The following PCED1B variants were observed in gnomAD, a reference collection of about 807,000 sequenced individuals.
PCED1B encodes the protein PC-esterase domain containing 1B.
For synonymous variants in PCED1B, 251 were observed against 246.1 expected (o/e 1.02, Z -0.19); for missense variants, 573 against 573.9 (o/e 1.00, Z 0.02).
intron 2 of PCED1B, among the ~76,000 whole-genome samples, chr12:47,161,444 A>G (rs1220260720): frequency 6.6e-6 from 1 of 152,192 alleles, no homozygotes; most frequent in Non-Finnish European, 1.5e-5. Context: ...GTGTGACTTT[A>G]TGCTAGTACC....
At chr12:47,158,233 C>A (rs1311252666) in intron 2 of PCED1B, among the ~76,000 whole-genome samples, 1 of 152,162 alleles carries the variant, frequency 6.6e-6, no homozygotes, top group Non-Finnish European at 1.5e-5. Context: ...CCACAGCAAC[C>A]ATACCATTTT....
intron 2 of PCED1B, among the ~76,000 whole-genome samples, chr12:47,207,312 A>T (rs1255908893): frequency 6.6e-6 from 1 of 152,228 alleles, no homozygotes; most frequent in African/African-American, 2.4e-5. Flanking sequence ...ATTGGTTGAG[A>T]TGAAGTAAGG....
At chr12:47,222,114 A>AAT (rs1237478466) in intron 3 of PCED1B, among the ~76,000 whole-genome samples, 5 of 77,508 alleles carry the variant, frequency 6.5e-5, no homozygotes, top group Non-Finnish European at 9.8e-5. Flanking sequence ...TAAAAAAAAA[A>AAT]TTAAAAAAAA....
At chr12:47,224,851 C>T (rs896257517) in intron 3 of PCED1B, among the ~76,000 whole-genome samples, 7 of 152,294 alleles carry the variant, frequency 4.6e-5, no homozygotes, top group South Asian at 2.1e-4. Flanking sequence ...CCGAGACCTA[C>T]GTAGGAAGTG....
chr12:47,217,464 AAGAAAGAG>A (rs773969015), intron 3 of PCED1B, among the ~76,000 whole-genome samples: 3 of 87,190 alleles, frequency 3.4e-5, no homozygotes, highest in Admixed American at 1.1e-4. Flanking sequence ...AAGAAAAAGA[AAGAAAGAG>A]AAAGAAAGAA....
chr12:47,119,966 C>CATAATAATAATAATA (rs57171859), intron 2 of PCED1B, among the ~76,000 whole-genome samples: 1 of 148,224 alleles, frequency 6.7e-6, no homozygotes, highest in Admixed American at 6.7e-5. Context: ...ACTCTGTCTC[C>CATAATAATAATAATA]ATAATAATAA....
At chr12:47,088,582 A>G (rs540845084) in intron 1 of PCED1B, among the ~76,000 whole-genome samples, 1 of 152,216 alleles carries the variant, frequency 6.6e-6, no homozygotes, top group South Asian at 2.1e-4. Flanking sequence ...TGGAAAGCAA[A>G]ATAAATAAAA....
At chr12:47,087,293 A>C (rs1938035888) in intron 1 of PCED1B, among the ~76,000 whole-genome samples, 1 of 152,252 alleles carries the variant, frequency 6.6e-6, no homozygotes, top group Admixed American at 6.5e-5. Flanking sequence ...AAAGGGCTTC[A>C]GAGATGGGCA....
intron 1 of PCED1B, among the ~76,000 whole-genome samples, chr12:47,099,743 G>C (rs527495655): frequency 6.6e-6 from 1 of 152,282 alleles, no homozygotes; most frequent in East Asian, 1.9e-4. Context: ...AGGAAAAAAA[G>C]ACTGAGAGGT....
At position 47,235,485 on chromosome 12, in the gene PCED1B, A is replaced by G. The variant is rs752520049; in HGVS notation, c.422A>G (p.Glu141Gly). Residue 141 changes from glutamate (E) to glycine (G), a missense_variant, in exon 4 of 4, where the codon GAG becomes GGG. Coordinates refer to ENST00000546455, the MANE Select transcript of PCED1B (RefSeq NM_138371.3). ...CCGAACTCCTGGAGAAGCTACCTGG[A>G]GAACCTGGAGAACCTGTTCCAGTGC... ...YGPNSWRSYL[E>G]NLENLFQCLG... 6.2e-7 allele frequency: 1 copy of G among 1,613,330 alleles called. No individual in the cohort carries two copies. Among genetic ancestry groups the G allele is most frequent in the Non-Finnish European group, 8.5e-7 (1 of 1,179,462 alleles).
chr12:47,089,511 T>C (rs1417620629), intron 1 of PCED1B, among the ~76,000 whole-genome samples: 2 of 126,382 alleles, frequency 1.6e-5, no homozygotes, highest in Admixed American at 8.3e-5. Context: ...CCAAAAAACA[T>C]ACCTACCTAT....
At chr12:47,159,118 TG>T (rs529063479) in intron 2 of PCED1B, among the ~76,000 whole-genome samples, 90 of 152,350 alleles carry the variant, frequency 5.9e-4, no homozygotes, top group Non-Finnish European at 9.8e-4. Flanking sequence ...TATGTATATA[TG>T]CCACATTTTA....
intron 2 of PCED1B, among the ~76,000 whole-genome samples, chr12:47,154,517 A>G (rs1455258004): frequency 1.3e-5 from 2 of 152,176 alleles, no homozygotes; most frequent in Non-Finnish European, 2.9e-5. Flanking sequence ...AGTTGGTATC[A>G]TAGTCCTAAT....
At chr12:47,190,831 G>A (rs1264393027) in intron 2 of PCED1B, among the ~76,000 whole-genome samples, 2 of 152,190 alleles carry the variant, frequency 1.3e-5, no homozygotes, top group African/African-American at 4.8e-5. Context: ...AACCCCACCT[G>A]TCTTTGAACA....
chr12:47,188,269 CA>C (rs1942336693), intron 2 of PCED1B, among the ~76,000 whole-genome samples: 1 of 152,112 alleles, frequency 6.6e-6, no homozygotes, highest in African/African-American at 2.4e-5. Flanking sequence ...AGGCTAATCT[CA>C]GGGGGGAATA....
At chr12:47,130,474 T>C (rs1940079373) in intron 2 of PCED1B, among the ~76,000 whole-genome samples, 1 of 152,096 alleles carries the variant, frequency 6.6e-6, no homozygotes, top group Non-Finnish European at 1.5e-5. Flanking sequence ...GTTAGGAGTT[T>C]GAGACCAGCC....
chr12:47,100,122 T>C (rs1246163312), intron 1 of PCED1B, among the ~76,000 whole-genome samples: 1 of 152,252 alleles, frequency 6.6e-6, no homozygotes, highest in Non-Finnish European at 1.5e-5. Context: ...TAGAAGAATG[T>C]ATTTTCATTC....
chr12:47,201,661 C>T (rs959968525), intron 2 of PCED1B, among the ~76,000 whole-genome samples: 1 of 151,394 alleles, frequency 6.6e-6, no homozygotes, highest in Non-Finnish European at 1.5e-5. Context: ...TGCAATGGTG[C>T]GATCTTGGCT....
At chr12:47,133,455 G>A (rs965096554) in intron 2 of PCED1B, among the ~76,000 whole-genome samples, 6 of 152,100 alleles carry the variant, frequency 3.9e-5, no homozygotes, top group East Asian at 1.9e-4. Flanking sequence ...TAATGATTTC[G>A]GTTTAATTAT....
Sources: allele counts gnomAD v4.1 joint callset (sites outside exome capture counted in the v4.1 genomes callset), GRCh38; gene constraint gnomAD v4.1.1; transcripts MANE v1.5; gene names NCBI Gene and HGNC (gene_info 2026-07-23, HGNC 2026-07-21).